FRAS1: variants seen among roughly 807,000 people sequenced by gnomAD.
The protein encoded by FRAS1 is extracellular matrix organizing protein FRAS1.
A neutral mutation model predicts 435.2 loss-of-function variants in FRAS1; 290 were observed. The ratio of observed to expected loss-of-function variants is 0.67; its 90% CI spans 0.61 to 0.73. The LOEUF (loss-of-function observed/expected upper bound fraction) is 0.73. Among genes scored for constraint, FRAS1 ranks in the 30% least tolerant of loss-of-function variants. The probability of loss-of-function intolerance (pLI) is 0.00; values close to 1 mark genes in which losing one functional copy is unlikely to be tolerated. For synonymous variants in FRAS1, 1,800 were observed against 1,851.0 expected (o/e 0.97, Z 0.71); for missense variants, 4,860 against 5,001.5 (o/e 0.97, Z 0.85).
chr4:78,104,979 T>C (rs1011929700), intron 2 of FRAS1, among the ~76,000 whole-genome samples: 3 of 152,244 alleles, frequency 2.0e-5, no homozygotes, highest in Admixed American at 2.0e-4. Context: ...CCTCCATTGA[T>C]GTTTTTTTCT....
At chr4:78,243,710 A>G (rs2110122193) in intron 3 of FRAS1, among the ~76,000 whole-genome samples, 1 of 152,152 alleles carries the variant, frequency 6.6e-6, no homozygotes, top group South Asian at 2.1e-4. Flanking sequence ...ACACACACAT[A>G]CATATTATTA....
chr4:78,480,093 A>C (rs1719967161), intron 56 of FRAS1, among the ~76,000 whole-genome samples: 1 of 152,142 alleles, frequency 6.6e-6, no homozygotes, highest in African/African-American at 2.4e-5. Flanking sequence ...ATCCAATTAT[A>C]CTCTTTTAGT....
chr4:78,400,917 A>G (rs1310614111), intron 30 of FRAS1, 30 bp downstream of exon 30: 1 of 1,609,910 alleles, frequency 6.2e-7, no homozygotes, highest in Admixed American at 1.7e-5. Flanking sequence ...GCGTGGTTTC[A>G]TCGTTGCATT....
chr4:78,158,268 C>T lies in FRAS1; in HGVS notation c.109-79242C>T, dbSNP rs575103196. 2.0e-5 allele frequency among the ~76,000 whole-genome samples: 3 copies of T among 152,252 alleles called. No homozygotes were observed. The East Asian group carries it at 5.8e-4, about 29-fold the overall frequency. On this transcript the variant is annotated intron_variant, in intron 2 of 73. Coordinates refer to ENST00000512123, the MANE Select transcript of FRAS1 (RefSeq NM_025074.7). ...CATTCAATCTGTGGCTTGCTTTGCG[C>T]AGTATGGCCATTTTAATGATTTTGA...
At position 78,402,254 on chromosome 4, in the gene FRAS1, G is replaced by A. The variant is rs184617831; in HGVS notation, c.4129+1367G>A. Among the ~76,000 whole-genome samples the A allele has an allele frequency of 6.6e-4, 101 of 152,202 alleles. 2 individuals carry two copies. In the East Asian group the frequency reaches 0.011, roughly 17 times the overall value. ...AACTCACTTGGCATATTAAATAGCA[G>A]AGGAAGAATAATCTGTTTTTCCTCT... On this transcript the variant is annotated intron_variant, in intron 30 of 73. Coordinates refer to ENST00000512123, the MANE Select transcript of FRAS1 (RefSeq NM_025074.7).
At chr4:78,275,861 T>C (rs1726990205) in intron 9 of FRAS1, among the ~76,000 whole-genome samples, 1 of 152,240 alleles carries the variant, frequency 6.6e-6, no homozygotes, top group Non-Finnish European at 1.5e-5. Context: ...AATGTTGGCC[T>C]GCTTTGCTAG....
chr4:78,122,569 T>A (rs1312656936), intron 2 of FRAS1, among the ~76,000 whole-genome samples: 1 of 152,228 alleles, frequency 6.6e-6, no homozygotes, highest in East Asian at 1.9e-4. Flanking sequence ...TCCACAATGG[T>A]TGAACTAATT....
At chr4:78,094,061 A>G (rs1741663080) in intron 2 of FRAS1, among the ~76,000 whole-genome samples, 1 of 151,098 alleles carries the variant, frequency 6.6e-6, no homozygotes, top group South Asian at 2.1e-4. Flanking sequence ...GCAACAGAAC[A>G]TCAGTGTTGA....
In FRAS1 at chr4:78,542,893, T is replaced by C. The variant is rs2109913518; in HGVS notation, c.*1769T>C. On this transcript the variant is annotated 3_prime_UTR_variant, in exon 74 of 74. Coordinates refer to ENST00000512123, the MANE Select transcript of FRAS1 (RefSeq NM_025074.7). ...ACTTGGATTATGAGATAACCTTTTC[T>C]TGGAGGAAAGAAACACCGCTTTACA... The C allele has an allele frequency of 6.6e-6, 1 of 152,264 alleles. No homozygotes were observed. Among genetic ancestry groups the C allele is most frequent in the Admixed American group, 6.5e-5 (1 of 15,294 alleles). 9.4% of individuals were successfully genotyped at this position (152,264 alleles called of 1,614,324 possible). A position where few individuals can be genotyped will look rare whatever the true frequency, so the allele number is the denominator to read the frequency against.
Position 78,418,945 on chromosome 4 carries a change from T to G in FRAS1, c.4426-4T>G, listed in dbSNP as rs1733652330. 1 of 1,562,506 alleles carries G rather than the reference T, an allele frequency of 6.4e-7. No individual in the cohort carries two copies. Among genetic ancestry groups the G allele is most frequent in the South Asian group, 1.2e-5 (1 of 85,774 alleles). ...GTTCCTCTTCCTTCTTAAACTTTGT[T>G]TAGGCTAGAGAAGATGGCCTGACTG... On this transcript the variant is annotated splice_polypyrimidine_tract_variant and splice_region_variant and intron_variant, in intron 32 of 73. Coordinates refer to ENST00000512123, the MANE Select transcript of FRAS1 (RefSeq NM_025074.7).
At chr4:78,216,224 G>A (rs563751967) in intron 2 of FRAS1, among the ~76,000 whole-genome samples, 139 of 152,334 alleles carry the variant, frequency 9.1e-4, no homozygotes, top group Non-Finnish European at 1.8e-3. Flanking sequence ...TGGTTTAGAC[G>A]TCAGGCTTGT....
chr4:78,111,905 CAGCCATAT>C (rs1425277670), intron 2 of FRAS1, among the ~76,000 whole-genome samples: 2 of 152,040 alleles, frequency 1.3e-5, no homozygotes, highest in Non-Finnish European at 2.9e-5. Context: ...AGGCTTACTG[CAGCCATAT>C]TACACACTTC....
At chr4:78,441,742 C>T (rs1382925520) in intron 41 of FRAS1, among the ~76,000 whole-genome samples, 1 of 152,098 alleles carries the variant, frequency 6.6e-6, no homozygotes, top group African/African-American at 2.4e-5. Flanking sequence ...AATTCCTGTC[C>T]TTTTATTGTG....
At chr4:78,222,713 G>A (rs764409457) in intron 2 of FRAS1, among the ~76,000 whole-genome samples, 2 of 152,108 alleles carry the variant, frequency 1.3e-5, no homozygotes, top group Admixed American at 6.5e-5. Flanking sequence ...GTTGCGGTGG[G>A]TCTCCTAATT....
At chr4:78,105,538 T>C (rs988978731) in intron 2 of FRAS1, among the ~76,000 whole-genome samples, 1 of 152,170 alleles carries the variant, frequency 6.6e-6, no homozygotes, top group Non-Finnish European at 1.5e-5. Flanking sequence ...GACTCCTTGG[T>C]ACTTATAAAG....
At chr4:78,311,168 CCTTT>C (rs1314460192) in intron 15 of FRAS1, among the ~76,000 whole-genome samples, 1 of 151,160 alleles carries the variant, frequency 6.6e-6, no homozygotes, top group African/African-American at 2.4e-5. Flanking sequence ...TCTTTTTTTT[CCTTT>C]CTCTTTCTTC....
rs201188262 is a variant in FRAS1, at chr4:78,429,198, G to T, written c.4815G>T (p.Ala1605=). ...PVFQVTAPRL[A]VSPGGSTSVG... ...TCCAGGTCACAGCTCCACGGCTGGC[G>T]GTCAGCCCAGGAGGCAGCACTTCTG... The change falls in exon 36 of 74, where the codon GCG becomes GCT. Residue 1605 remains alanine, a synonymous_variant. Transcript: ENST00000512123. 6.2e-7 allele frequency: 1 copy of T among 1,606,802 alleles called. No homozygotes were observed. Among genetic ancestry groups the T allele is most frequent in the South Asian group, 1.1e-5 (1 of 88,736 alleles).
At chr4:78,519,728 C>A (rs17470553) in intron 67 of FRAS1, among the ~76,000 whole-genome samples, 19,843 of 152,126 alleles carry the variant, frequency 0.13, 1,689 homozygotes, top group Non-Finnish European at 0.2. Context: ...ACAAATGAGT[C>A]CTCTACTGCC....
intron 14 of FRAS1, among the ~76,000 whole-genome samples, chr4:78,296,312 G>A (rs1168393187): frequency 1.3e-5 from 2 of 151,924 alleles, no homozygotes; most frequent in African/African-American, 2.4e-5. Flanking sequence ...AATATGTGGA[G>A]ACCAGACATT....
Sources: gnomAD v4.1 joint callset for allele counts (sites outside exome capture counted in the v4.1 genomes callset) on GRCh38, gnomAD v4.1.1 for gene constraint, MANE v1.5 for transcripts, NCBI Gene and HGNC (gene_info 2026-07-23, HGNC 2026-07-21) for gene names.